RAB3C: variants seen among roughly 807,000 people sequenced by gnomAD.
RAB3C encodes RAB3C, member RAS oncogene family, also known as ras-related protein Rab-3C.
A neutral mutation model predicts 26.4 loss-of-function variants in RAB3C; 17 were observed. That is an observed-to-expected ratio of 0.64 (90% CI 0.44 to 0.97). RAB3C has a LOEUF of 0.97. Ranked by LOEUF, RAB3C falls within the 50% of genes least tolerant of loss-of-function variation. RAB3C has a pLI of 0.00. For synonymous variants in RAB3C, 91 were observed against 95.9 expected (o/e 0.95, Z 0.30); for missense variants, 242 against 281.9 (o/e 0.86, Z 1.01).
At chr5:58,698,526 A>C (rs1748767784) in intron 2 of RAB3C, among the ~76,000 whole-genome samples, 1 of 152,202 alleles carries the variant, frequency 6.6e-6, no homozygotes, top group African/African-American at 2.4e-5. Flanking sequence ...GTGTTTTCCA[A>C]CTTGGTTCCA....
chr5:58,778,178 A>G (rs1172708116), intron 3 of RAB3C, among the ~76,000 whole-genome samples: 1 of 152,122 alleles, frequency 6.6e-6, no homozygotes, highest in Non-Finnish European at 1.5e-5. Context: ...AGCTCTAAAT[A>G]TCATTGGATT....
At chr5:58,831,104 T>C (rs1190409671) in intron 4 of RAB3C, among the ~76,000 whole-genome samples, 1 of 152,092 alleles carries the variant, frequency 6.6e-6, no homozygotes, top group Non-Finnish European at 1.5e-5. Context: ...TCTGGAACTC[T>C]TGGGTTCAAG....
chr5:58,600,735 G>A (rs182868899), intron 1 of RAB3C, among the ~76,000 whole-genome samples: 65 of 152,184 alleles, frequency 4.3e-4, no homozygotes, highest in African/African-American at 1.6e-3. Flanking sequence ...TCAGTTCTAG[G>A]AGCTTTCTGG....
At chr5:58,620,482 C>T (rs988619098) in intron 2 of RAB3C, among the ~76,000 whole-genome samples, 3 of 152,106 alleles carry the variant, frequency 2.0e-5, no homozygotes, top group African/African-American at 4.8e-5. Context: ...AATTAACACT[C>T]GTTGGATAAT....
At chr5:58,798,200 T>A (rs180940773) in intron 3 of RAB3C, among the ~76,000 whole-genome samples, 2 of 151,974 alleles carry the variant, frequency 1.3e-5, no homozygotes, top group African/African-American at 4.8e-5. Context: ...CAGGCAGAGG[T>A]CATCAATGGA....
At chr5:58,697,699 A>G (rs1748747426) in intron 2 of RAB3C, among the ~76,000 whole-genome samples, 3 of 151,602 alleles carry the variant, frequency 2.0e-5, no homozygotes, top group African/African-American at 7.3e-5. Context: ...GTCTCTTCTG[A>G]TGTTTGTTGG....
chr5:58,797,853 T>G (rs1234291477), intron 3 of RAB3C, among the ~76,000 whole-genome samples: 1 of 152,200 alleles, frequency 6.6e-6, no homozygotes, highest in Non-Finnish European at 1.5e-5. Flanking sequence ...GACTAATTTG[T>G]GCTCGACTAC....
intron 2 of RAB3C, among the ~76,000 whole-genome samples, chr5:58,670,132 A>G (rs1471920890): frequency 6.6e-6 from 1 of 152,156 alleles, no homozygotes; most frequent in Non-Finnish European, 1.5e-5. Flanking sequence ...TGATAGTAGC[A>G]GTTCTTATTC....
intron 1 of RAB3C, among the ~76,000 whole-genome samples, chr5:58,597,707 A>G (rs1746350668): frequency 1.9e-5 from 1 of 51,702 alleles, no homozygotes; most frequent in South Asian, 5.8e-4. Flanking sequence ...AGTATATAAT[A>G]TAATATAGTA....
chr5:58,655,789 CTTTTTTTTTTTTTT>C (rs34352086), intron 2 of RAB3C, among the ~76,000 whole-genome samples: 4 of 91,604 alleles, frequency 4.4e-5, no homozygotes, highest in African/African-American at 1.7e-4. Flanking sequence ...AAACCTAACT[CTTTTTTTTTTTTTT>C]TTTTTTTTTT....
At chr5:58,793,050 TTG>T (rs1561131791) in intron 3 of RAB3C, among the ~76,000 whole-genome samples, 1 of 152,130 alleles carries the variant, frequency 6.6e-6, no homozygotes, top group Non-Finnish European at 1.5e-5. Context: ...TTCTTATTGC[TTG>T]TACCTGAGGG....
At chr5:58,701,978 C>T (rs1380962197) in intron 2 of RAB3C, among the ~76,000 whole-genome samples, 2 of 152,136 alleles carry the variant, frequency 1.3e-5, no homozygotes, top group African/African-American at 4.8e-5. Flanking sequence ...CTTGGAGAGC[C>T]ATCATTCAGA....
intron 1 of RAB3C, among the ~76,000 whole-genome samples, chr5:58,600,405 A>G (rs1311154711): frequency 6.6e-6 from 1 of 151,794 alleles, no homozygotes; most frequent in Non-Finnish European, 1.5e-5. Context: ...TGGGGATTGC[A>G]TTGGATTTGC....
At chr5:58,721,265 GA>G in intron 2 of RAB3C, among the ~76,000 whole-genome samples, 1 of 128,266 alleles carries the variant, frequency 7.8e-6, no homozygotes, top group Admixed American at 7.5e-5. Context: ...AAAAAAAAAA[GA>G]GGAAAATGAA....
At chr5:58,830,828 C>T (rs1025541013) in intron 4 of RAB3C, among the ~76,000 whole-genome samples, 1 of 152,088 alleles carries the variant, frequency 6.6e-6, no homozygotes, top group Non-Finnish European at 1.5e-5. Context: ...AACCACCAAG[C>T]TCCACTTCAG....
chr5:58,793,060 G>A (rs1742564506), intron 3 of RAB3C, among the ~76,000 whole-genome samples: 1 of 151,990 alleles, frequency 6.6e-6, no homozygotes, highest in Non-Finnish European at 1.5e-5. Context: ...TTGTACCTGA[G>A]GGAGAACCCT....
chr5:58,697,851 A>G (rs188959507), intron 2 of RAB3C, among the ~76,000 whole-genome samples: 2 of 152,254 alleles, frequency 1.3e-5, no homozygotes, highest in East Asian at 1.9e-4. Flanking sequence ...GAATAAGCAC[A>G]CTGATGGGTC....
rs1744250910 is a variant in RAB3C, at chr5:58,856,017, T to C, written c.*4666T>C. Reference sequence around the variant, plus strand: ...GAAATATTTGCTTTTAGATTACACATACAGTGCTGCCCTTCTCAACAGTCA... The same window carrying C: ...GAAATATTTGCTTTTAGATTACACACACAGTGCTGCCCTTCTCAACAGTCA... On this transcript the variant is annotated 3_prime_UTR_variant, in exon 5 of 5. Transcript: ENST00000282878. The C allele has an allele frequency of 6.6e-6, 1 of 152,172 alleles. No homozygotes were observed. The highest frequency in any genetic ancestry group is 1.5e-5 in the Non-Finnish European group (1 of 68,028). 9.4% of individuals were successfully genotyped at this position (152,172 alleles called of 1,614,324 possible). A position where few individuals can be genotyped will look rare whatever the true frequency, so the allele number is the denominator to read the frequency against.
chr5:58,597,023 A>G (rs1251757210), intron 1 of RAB3C, among the ~76,000 whole-genome samples: 1 of 95,762 alleles, frequency 1.0e-5, no homozygotes, highest in African/African-American at 4.5e-5. Context: ...ATATAATAAT[A>G]TAATACATAA....
Sources: gnomAD v4.1 joint callset for allele counts (sites outside exome capture counted in the v4.1 genomes callset) on GRCh38, gnomAD v4.1.1 for gene constraint, MANE v1.5 for transcripts, NCBI Gene and HGNC (gene_info 2026-07-23, HGNC 2026-07-21) for gene names.